Variants in DNAH9 observed in about 807,000 individuals in gnomAD.
The protein encoded by DNAH9 is dynein axonemal heavy chain 9.
In DNAH9, 345 loss-of-function variants were observed where a neutral mutation model predicts 471.6. The ratio of observed to expected loss-of-function variants is 0.73; its 90% CI spans 0.67 to 0.80. DNAH9 has a LOEUF of 0.80. Ranked by LOEUF, DNAH9 falls within the 30% of genes least tolerant of loss-of-function variation. The pLI is 0.00. For synonymous variants in DNAH9, 2,093 were observed against 2,123.6 expected, an observed-to-expected ratio of 0.99 and a Z score of 0.40; for missense variants, 5,407 against 5,609.2, an observed-to-expected ratio of 0.96 and a Z score of 1.15.
intron 30 of DNAH9, among the ~76,000 whole-genome samples, chr17:11,744,465 G>A (rs2075484909): frequency 2.0e-5 from 3 of 152,178 alleles, no homozygotes; most frequent in Non-Finnish European, 2.9e-5. Context: ...GAGTTAACAT[G>A]GCTCCCTCCT....
intron 28 of DNAH9, among the ~76,000 whole-genome samples, chr17:11,734,228 G>A (rs561525178): frequency 2.0e-5 from 3 of 152,160 alleles, no homozygotes; most frequent in Non-Finnish European, 4.4e-5. Context: ...GAATCTTCAT[G>A]TTAACACACC....
chr17:11,838,680 A>G (rs1205673008), intron 49 of DNAH9, among the ~76,000 whole-genome samples: 1 of 152,120 alleles, frequency 6.6e-6, no homozygotes, highest in Admixed American at 6.6e-5. Flanking sequence ...CAAGACAATT[A>G]ACAGTCCATC....
Position 11,926,035 on chromosome 17 carries a change from G to GAAAAAAAAAAAAAAAAAAA in DNAH9, c.11877+2103_11877+2121dup, listed in dbSNP as rs71142253. Among the ~76,000 whole-genome samples the GAAAAAAAAAAAAAAAAAAA allele has an allele frequency of 5.3e-4, 32 of 59,914 alleles. 2 individuals carry two copies. The highest frequency in any genetic ancestry group is 1.8e-3 in the East Asian group (3 of 1,644). The allele number at this position is 59,914 out of a possible 152,430, so 39.3% of individuals were successfully genotyped here. A position where few individuals can be genotyped will look rare whatever the true frequency, so the allele number is the denominator to read the frequency against. ...AGCCTGTAAACCTGAGAGATTCTCT[G>GAAAAAAAAAAAAAAAAAAA]AAAAAAAAAAAAAAAAAAAAAAAAA... On this transcript the variant is annotated intron_variant, in intron 62 of 68. Coordinates refer to ENST00000262442, the MANE Select transcript of DNAH9 (RefSeq NM_001372.4).
intron 41 of DNAH9, among the ~76,000 whole-genome samples, chr17:11,786,159 T>A (rs912110758): frequency 3.3e-5 from 5 of 152,132 alleles, no homozygotes; most frequent in Non-Finnish European, 7.4e-5. Context: ...GGGAGAAGCA[T>A]CAATTATGCT....
chr17:11,645,323 C>T (rs1176535264), intron 11 of DNAH9, among the ~76,000 whole-genome samples: 1 of 152,200 alleles, frequency 6.6e-6, no homozygotes, highest in Non-Finnish European at 1.5e-5. Context: ...TGGCAAGTAA[C>T]ACACATTCCA....
chr17:11,674,688 T>C (rs1489230345), intron 17 of DNAH9, among the ~76,000 whole-genome samples: 1 of 152,222 alleles, frequency 6.6e-6, no homozygotes, highest in Non-Finnish European at 1.5e-5. Context: ...AATTCTTAAT[T>C]TGTGTGGCCA....
At chr17:11,729,784 T>C (rs1244534579) in intron 28 of DNAH9, among the ~76,000 whole-genome samples, 2 of 152,180 alleles carry the variant, frequency 1.3e-5, no homozygotes. Flanking sequence ...TCCACATAGG[T>C]CTCACATGTG....
intron 1 of DNAH9, among the ~76,000 whole-genome samples, chr17:11,601,561 T>C (rs1174979292): frequency 1.3e-5 from 2 of 152,196 alleles, no homozygotes; most frequent in African/African-American, 4.8e-5. Flanking sequence ...TAAAAATAAC[T>C]CAAGTCCTTT....
At chr17:11,670,011 A>T (rs2150729005) in intron 17 of DNAH9, among the ~76,000 whole-genome samples, 1 of 152,186 alleles carries the variant, frequency 6.6e-6, no homozygotes, top group Non-Finnish European at 1.5e-5. Flanking sequence ...TTTCTGTTTC[A>T]TGTCCAGTGT....
chr17:11,766,758 T>G (rs1292718595), intron 36 of DNAH9, among the ~76,000 whole-genome samples: 1 of 151,950 alleles, frequency 6.6e-6, no homozygotes, highest in Non-Finnish European at 1.5e-5. Flanking sequence ...AGGTCCGTAG[T>G]TCAAGACCAG....
At chr17:11,817,064 A>T (rs34087161) in intron 45 of DNAH9, among the ~76,000 whole-genome samples, 18,381 of 151,860 alleles carry the variant, frequency 0.12, 1,292 homozygotes, top group East Asian at 0.28. Flanking sequence ...TCAAAAAAAA[A>T]AATAATAATA....
chr17:11,809,481 C>T (rs1969808802), intron 44 of DNAH9, among the ~76,000 whole-genome samples: 1 of 152,096 alleles, frequency 6.6e-6, no homozygotes, highest in Non-Finnish European at 1.5e-5. Context: ...GCAGGAGAAT[C>T]CCTTGAACCC....
intron 44 of DNAH9, among the ~76,000 whole-genome samples, chr17:11,808,855 C>A (rs762745685): frequency 1.3e-5 from 2 of 152,010 alleles, no homozygotes; most frequent in South Asian, 2.1e-4. Context: ...TCAAAGCATC[C>A]CCAAGATGAT....
At chr17:11,793,301 G>A (rs1221822462) in intron 41 of DNAH9, among the ~76,000 whole-genome samples, 1 of 152,104 alleles carries the variant, frequency 6.6e-6, no homozygotes, top group East Asian at 1.9e-4. Flanking sequence ...TTGAGGTCAG[G>A]TCTGTCTAAC....
intron 53 of DNAH9, 49 bp from the exon 54 acceptor site, chr17:11,880,029 C>T (rs375389116): frequency 9.4e-5 from 152 of 1,608,740 alleles, no homozygotes; most frequent in Non-Finnish European, 1.2e-4. Flanking sequence ...GTCTCAACTC[C>T]ATAGCTTGCC....
chr17:11,938,256 G>A (rs755425325), intron 66 of DNAH9, among the ~76,000 whole-genome samples: 1 of 151,902 alleles, frequency 6.6e-6, no homozygotes, highest in Non-Finnish European at 1.5e-5. Flanking sequence ...TCATGAGTTC[G>A]AGACCAGCCT....
rs376824566 is a variant in DNAH9 at position 11,844,469 on chromosome 17, G to A, written c.9508-9534G>A. ...CACCCAGGCTGGAGTGCAATGGAGC[G>A]ATCTCGGCTCACTGCAACTTCCACC... On this transcript the variant is annotated intron_variant, in intron 49 of 68. Transcript: ENST00000262442. Among the ~76,000 whole-genome samples, 36 of 152,206 alleles carry A rather than the reference G, an allele frequency of 2.4e-4. No individual in the cohort carries two copies. In the South Asian group the frequency reaches 3.1e-3, roughly 13 times the overall value.
At chr17:11,874,849 C>A in intron 52 of DNAH9, 100 bp from the exon 53 acceptor site, 1 of 843,530 alleles carries the variant, frequency 1.2e-6, no homozygotes, top group Non-Finnish European at 1.9e-6. Flanking sequence ...GTTGATCTTG[C>A]TTTTAAAGGA....
intron 62 of DNAH9, among the ~76,000 whole-genome samples, chr17:11,927,557 G>T (rs1257730664): frequency 6.6e-6 from 1 of 152,186 alleles, no homozygotes; most frequent in Non-Finnish European, 1.5e-5. Context: ...TCGAAGATCT[G>T]ATGGTTGTAG....
Sources: allele counts gnomAD v4.1 joint callset (sites outside exome capture counted in the v4.1 genomes callset), GRCh38; gene constraint gnomAD v4.1.1; transcripts MANE v1.5; gene names NCBI Gene and HGNC (gene_info 2026-07-23, HGNC 2026-07-21).